The following TPRG1 variants were observed in gnomAD, a reference collection of about 807,000 sequenced individuals.
TPRG1 encodes the protein tumor protein p63 regulated 1.
TPRG1 carries 29 observed loss-of-function variants against 29.3 expected under a neutral mutation model. The ratio of observed to expected loss-of-function variants is 0.99; its 90% CI spans 0.74 to 1.35. The LOEUF (loss-of-function observed/expected upper bound fraction) is 1.35, where lower values mean the gene tolerates loss of function less well. Ranked by LOEUF, TPRG1 falls within the 40% of genes most tolerant of loss-of-function variation. TPRG1 has a pLI of 0.00. For synonymous variants in TPRG1, 130 were observed against 116.8 expected (o/e 1.11, Z -0.73); for missense variants, 327 against 335.0 (o/e 0.98, Z 0.19).
At chr3:189,084,657 C>G (rs1349360539) in intron 4 of TPRG1, among the ~76,000 whole-genome samples, 1 of 152,220 alleles carries the variant, frequency 6.6e-6, no homozygotes, top group Non-Finnish European at 1.5e-5. Context: ...TCTCACTATG[C>G]GTTTCTCTCA....
At chr3:189,201,739 TC>T (rs1733526933) in intron 1 of TPRG1, among the ~76,000 whole-genome samples, 1 of 152,054 alleles carries the variant, frequency 6.6e-6, no homozygotes, top group Non-Finnish European at 1.5e-5. Context: ...AACCTCCGCC[TC>T]CCAGGTTCAA....
chr3:189,002,908 C>T (rs1712100418), intron 2 of TPRG1, among the ~76,000 whole-genome samples: 1 of 152,044 alleles, frequency 6.6e-6, no homozygotes, highest in Non-Finnish European at 1.5e-5. Context: ...AATGGCCACC[C>T]ACTCCAAGAG....
intron 3 of TPRG1, among the ~76,000 whole-genome samples, chr3:189,006,654 A>T (rs995848103): frequency 4.6e-5 from 7 of 152,128 alleles, no homozygotes; most frequent in African/African-American, 1.4e-4. Context: ...CTACATATGG[A>T]TTGAGAAACA....
chr3:189,245,378 G>A (rs1287458109), intron 4 of TPRG1, among the ~76,000 whole-genome samples: 1 of 151,960 alleles, frequency 6.6e-6, no homozygotes, highest in Non-Finnish European at 1.5e-5. Context: ...TACTTTTGCT[G>A]CTTCCCAGAG....
At chr3:189,096,507 T>C (rs1718688789), upstream of TPRG1, among the ~76,000 whole-genome samples, 1 of 152,222 alleles carries the variant, frequency 6.6e-6, no homozygotes, top group Non-Finnish European at 1.5e-5. Context: ...ACCAAGAGAT[T>C]GATCTTTTCT....
chr3:189,305,656 G>A (rs1043732100), intron 4 of TPRG1, among the ~76,000 whole-genome samples: 2 of 152,194 alleles, frequency 1.3e-5, no homozygotes, highest in Non-Finnish European at 2.9e-5. Context: ...GAGTCACTGA[G>A]TGAAACATGT....
rs76770636 is a variant in TPRG1, at chr3:189,228,333, A to C, written c.303-10400A>C. ...AGACAGTACAAAAATAGAACTATAG[A>C]TCAGTATTCCTCATAACTGTAGATG... On this transcript the variant is annotated intron_variant, in intron 3 of 5. Transcript: ENST00000345063. 6.4e-3 allele frequency among the ~76,000 whole-genome samples: 972 copies of C among 152,092 alleles called. 5 individuals are homozygous for C. The highest frequency in any genetic ancestry group is 0.023 in the African/African-American group (935 of 41,436).
intron 5 of TPRG1, among the ~76,000 whole-genome samples, chr3:189,165,968 C>T (rs979959852): frequency 6.6e-6 from 1 of 152,164 alleles, no homozygotes; most frequent in East Asian, 1.9e-4. Flanking sequence ...GTGATTTGGG[C>T]TCTCTGGAAA....
chr3:189,003,396 T>A (rs58799048), intron 2 of TPRG1, among the ~76,000 whole-genome samples: 5,478 of 152,204 alleles, frequency 0.036, 333 homozygotes, highest in African/African-American at 0.12. Context: ...GCCTATCCTA[T>A]CTCTAGATAG....
intron 4 of TPRG1, among the ~76,000 whole-genome samples, chr3:189,031,598 A>G (rs1282871536): frequency 6.6e-6 from 1 of 152,176 alleles, no homozygotes; most frequent in Non-Finnish European, 1.5e-5. Flanking sequence ...AATTCAATAC[A>G]TCATTTAGCA....
chr3:189,282,127 C>T (rs144365921), intron 4 of TPRG1, among the ~76,000 whole-genome samples: 6 of 143,692 alleles, frequency 4.2e-5, no homozygotes, highest in East Asian at 2.1e-4. Context: ...GCAATCCGCC[C>T]GCCTTGGCTG....
At chr3:189,213,854 T>C (rs926982554) in intron 2 of TPRG1, among the ~76,000 whole-genome samples, 5 of 152,214 alleles carry the variant, frequency 3.3e-5, no homozygotes, top group Admixed American at 6.5e-5. Context: ...AACACAATTT[T>C]CTTCACACTT....
In TPRG1 at chr3:189,290,544, A is replaced by G. The variant is rs373252382; in HGVS notation, c.480-19842A>G. Among the ~76,000 whole-genome samples, 4 of 152,360 alleles carry G rather than the reference A, an allele frequency of 2.6e-5. No individual in the cohort carries two copies. In the East Asian group the frequency reaches 7.7e-4, roughly 29 times the overall value. ...AATAGAACAAACAGATACGTTTTCCATCGATGAAATCAGCAATTAAGTGGC... is the reference window on the plus strand; with the variant it reads ...AATAGAACAAACAGATACGTTTTCCGTCGATGAAATCAGCAATTAAGTGGC... On this transcript the variant is annotated intron_variant, in intron 4 of 5. Transcript: ENST00000345063.
intron 3 of TPRG1, among the ~76,000 whole-genome samples, chr3:189,135,226 C>A (rs1430001688): frequency 1.3e-5 from 2 of 152,178 alleles, no homozygotes; most frequent in African/African-American, 4.8e-5. Context: ...TGGCCTCATC[C>A]AATCCAATGT....
intron 4 of TPRG1, among the ~76,000 whole-genome samples, chr3:189,256,144 G>T (rs943697937): frequency 6.6e-6 from 1 of 152,152 alleles, no homozygotes; most frequent in Non-Finnish European, 1.5e-5. Flanking sequence ...TGTCCTGTGG[G>T]CATTTAGTGC....
chr3:189,190,591 T>C (rs917052233), intron 1 of TPRG1, among the ~76,000 whole-genome samples: 1 of 152,214 alleles, frequency 6.6e-6, no homozygotes, highest in Middle Eastern at 3.2e-3. Context: ...CCTACGTCTA[T>C]GATAAGAATG....
At chr3:189,225,119 G>C (rs760389896) in intron 3 of TPRG1, among the ~76,000 whole-genome samples, 1 of 152,018 alleles carries the variant, frequency 6.6e-6, no homozygotes, top group Non-Finnish European at 1.5e-5. Flanking sequence ...TTTTAGTAGA[G>C]ATGGGGTTTC....
intron 4 of TPRG1, among the ~76,000 whole-genome samples, chr3:189,074,936 C>G (rs1334981158): frequency 1.3e-5 from 2 of 151,310 alleles, no homozygotes; most frequent in African/African-American, 2.4e-5. Flanking sequence ...CTCAGCCTCC[C>G]GAGTAGCTGG....
intron 4 of TPRG1, among the ~76,000 whole-genome samples, chr3:189,090,447 T>C (rs1718267147): frequency 6.6e-6 from 1 of 152,226 alleles, no homozygotes; most frequent in East Asian, 1.9e-4. Context: ...ATTAAATTAT[T>C]CAGATCTGTA....
Sources: gnomAD v4.1 joint callset for allele counts (sites outside exome capture counted in the v4.1 genomes callset) on GRCh38, gnomAD v4.1.1 for gene constraint, MANE v1.5 for transcripts, NCBI Gene and HGNC (gene_info 2026-07-23, HGNC 2026-07-21) for gene names.